The following IL1RAPL2 variants were observed in gnomAD, a reference collection of about 807,000 sequenced individuals.
IL1RAPL2 encodes X-linked interleukin-1 receptor accessory protein-like 2.
In IL1RAPL2, 3 loss-of-function variants were observed where a neutral mutation model predicts 44.1. The observed-to-expected ratio is 0.07, with a 90% CI of 0.03 to 0.18. The LOEUF (loss-of-function observed/expected upper bound fraction) is 0.18. Among genes scored for constraint, IL1RAPL2 ranks in the 10% least tolerant of loss-of-function variants. IL1RAPL2 has a pLI of 1.00. For missense variants in IL1RAPL2, 391 were observed against 496.4 expected (o/e 0.79, Z 2.02); for synonymous variants, 181 against 178.8 (o/e 1.01, Z -0.10).
rs915626467 is a variant in IL1RAPL2, at chrX:104,617,757, A to T, written c.-19-41138A>T. Among the ~76,000 whole-genome samples, 4 of 111,597 alleles carry T rather than the reference A, an allele frequency of 3.6e-5. No homozygotes were observed. The East Asian group carries it at 1.1e-3, about 32-fold the overall frequency. On this transcript the variant is annotated intron_variant, in intron 1 of 10. Coordinates refer to ENST00000372582, the MANE Select transcript of IL1RAPL2 (RefSeq NM_017416.2). ...TCCTTCATTTCCTGGATTGATTTAG[A>T]AGTGTCTTCGTGTTGATTTTCAACC...
At chrX:105,115,225 G>C (rs1482668623) in intron 2 of IL1RAPL2, among the ~76,000 whole-genome samples, 2 of 111,747 alleles carry the variant, frequency 1.8e-5, no homozygotes, top group East Asian at 5.6e-4. Context: ...TTCGTGGTGA[G>C]TGTTACAGCT....
intron 5 of IL1RAPL2, among the ~76,000 whole-genome samples, chrX:105,475,686 GA>G (rs754019209): frequency 7.6e-4 from 71 of 93,958 alleles, no homozygotes; most frequent in Admixed American, 2.4e-3. Context: ...GAACTGTGAA[GA>G]AAAAAAAAAA....
chrX:105,718,758 C>T (rs1351102232), intron 7 of IL1RAPL2, among the ~76,000 whole-genome samples: 1 of 110,704 alleles, frequency 9.0e-6, no homozygotes, highest in Non-Finnish European at 1.9e-5. Flanking sequence ...TGTCTCTCCC[C>T]GCTTCCCTGC....
intron 1 of IL1RAPL2, among the ~76,000 whole-genome samples, chrX:104,643,391 T>C: frequency 8.9e-6 from 1 of 111,863 alleles, no homozygotes; most frequent in Non-Finnish European, 1.9e-5. Flanking sequence ...AGACCTACTG[T>C]TCATTTATTG....
At chrX:104,938,675 C>A (rs772684681) in intron 2 of IL1RAPL2, among the ~76,000 whole-genome samples, 22 of 97,671 alleles carry the variant, frequency 2.3e-4, no homozygotes, top group African/African-American at 1.9e-4. Context: ...CTAGAGTATA[C>A]AAAAAAAAAA....
chrX:104,628,602 G>A (rs756308927), intron 1 of IL1RAPL2, among the ~76,000 whole-genome samples: 2 of 111,847 alleles, frequency 1.8e-5, no homozygotes, highest in South Asian at 7.4e-4. Context: ...AATAAATATG[G>A]AGGTCCAGGT....
In IL1RAPL2 at chrX:104,679,447, C is replaced by T. The variant is rs183479436; in HGVS notation, c.82+20452C>T. Reference sequence around the variant, plus strand: ...TGACCACAGCATTTTGAGGCCCAGGCTGTGCGGCTTAACTCTCTTGCATAC... The same window carrying T: ...TGACCACAGCATTTTGAGGCCCAGGTTGTGCGGCTTAACTCTCTTGCATAC... On this transcript the variant is annotated intron_variant, in intron 2 of 10. Coordinates refer to ENST00000372582, the MANE Select transcript of IL1RAPL2 (RefSeq NM_017416.2). Among the ~76,000 whole-genome samples the T allele has an allele frequency of 2.7e-5, 3 of 112,099 alleles. No individual in the cohort carries two copies. In the East Asian group the frequency reaches 8.4e-4, roughly 31 times the overall value.
At chrX:104,648,123 G>GCATA in intron 1 of IL1RAPL2, 2 of 389,874 alleles carry the variant, frequency 5.1e-6, no homozygotes, top group Admixed American at 3.9e-5. Flanking sequence ...TCTCAGGCAT[G>GCATA]CATACATACA....
intron 2 of IL1RAPL2, among the ~76,000 whole-genome samples, chrX:104,749,807 A>G (rs776563012): frequency 2.7e-4 from 30 of 112,010 alleles, no homozygotes; most frequent in African/African-American, 9.4e-4. Flanking sequence ...TATGTAATAG[A>G]TTAAGACAAT....
chrX:104,715,623 C>A (rs1160016755), intron 2 of IL1RAPL2, among the ~76,000 whole-genome samples: 1 of 107,994 alleles, frequency 9.3e-6, no homozygotes, highest in Non-Finnish European at 1.9e-5. Context: ...TATTCCTATA[C>A]ACCAACAACA....
At chrX:104,856,709 T>A (rs1313562309) in intron 2 of IL1RAPL2, among the ~76,000 whole-genome samples, 2 of 112,118 alleles carry the variant, frequency 1.8e-5, no homozygotes, top group African/African-American at 6.5e-5. Flanking sequence ...TTGATTCAGC[T>A]TATGGAGATT....
intron 2 of IL1RAPL2, among the ~76,000 whole-genome samples, chrX:104,890,444 T>A (rs375570145): frequency 8.9e-6 from 1 of 111,863 alleles, no homozygotes; most frequent in African/African-American, 3.3e-5. Context: ...TTTCTCCACA[T>A]CCTCTCCAGC....
chrX:105,195,432 A>G (rs1185246730), intron 2 of IL1RAPL2, 43 bp from the exon 3 acceptor site: 2 of 1,175,854 alleles, frequency 1.7e-6, no homozygotes, highest in Admixed American at 2.2e-5. Flanking sequence ...ATTAGTGTCA[A>G]CAATGCTCAC....
intron 2 of IL1RAPL2, among the ~76,000 whole-genome samples, chrX:104,791,965 G>C (rs1932828539): frequency 9.0e-6 from 1 of 111,138 alleles, no homozygotes; most frequent in Non-Finnish European, 1.9e-5. Context: ...TTGGTCTGCT[G>C]TTGCTAGAAA....
chrX:105,376,458 G>T, intron 5 of IL1RAPL2, among the ~76,000 whole-genome samples: 1 of 111,742 alleles, frequency 8.9e-6, no homozygotes, highest in Non-Finnish European at 1.9e-5. Context: ...TTTTTCTGCT[G>T]CTGCTGCTTT....
chrX:105,639,827 G>A (rs2037551795), intron 6 of IL1RAPL2, among the ~76,000 whole-genome samples: 1 of 110,900 alleles, frequency 9.0e-6, no homozygotes, highest in Non-Finnish European at 1.9e-5. Context: ...ACACAAAAAA[G>A]CCAAAAGCCA....
intron 6 of IL1RAPL2, among the ~76,000 whole-genome samples, chrX:105,709,341 T>C (rs1234526974): frequency 1.8e-5 from 2 of 111,762 alleles, no homozygotes; most frequent in South Asian, 3.8e-4. Flanking sequence ...AAAAACCAAA[T>C]GGCCCAGGGA....
intron 2 of IL1RAPL2, among the ~76,000 whole-genome samples, chrX:104,949,417 C>T (rs1231222638): frequency 9.2e-6 from 1 of 109,117 alleles, no homozygotes; most frequent in East Asian, 2.9e-4. Context: ...TCTCTATTTC[C>T]TTCAGTTCTG....
At chrX:105,489,795 C>CTCTCTCTG (rs2036301015) in intron 6 of IL1RAPL2, among the ~76,000 whole-genome samples, 1 of 96,716 alleles carries the variant, frequency 1.0e-5, no homozygotes, top group Admixed American at 1.2e-4. Context: ...CTTTCTCTCT[C>CTCTCTCTG]TCTCTCTCTC....
Sources: gnomAD v4.1 joint callset for allele counts (sites outside exome capture counted in the v4.1 genomes callset) on GRCh38, gnomAD v4.1.1 for gene constraint, MANE v1.5 for transcripts, NCBI Gene and HGNC (gene_info 2026-07-23, HGNC 2026-07-21) for gene names.